Variants in SLC9C1 observed in about 807,000 individuals in gnomAD.
SLC9C1 encodes the protein sodium/hydrogen exchanger 10.
SLC9C1 carries 97 observed loss-of-function variants against 140.9 expected under a neutral mutation model. That is an observed-to-expected ratio of 0.69 (90% CI 0.58 to 0.82). SLC9C1 has a LOEUF of 0.82. SLC9C1 is among the 40% of genes least tolerant of loss of function. SLC9C1 has a pLI of 0.00. For synonymous variants in SLC9C1, 440 were observed against 442.6 expected (o/e 0.99, Z 0.07); for missense variants, 1,340 against 1,389.3 (o/e 0.96, Z 0.56).
chr3:112,250,491 G>A (rs1026568571), intron 10 of SLC9C1, among the ~76,000 whole-genome samples: 2 of 147,094 alleles, frequency 1.4e-5, no homozygotes, highest in African/African-American at 2.5e-5. Flanking sequence ...TCACCACACT[G>A]ACTTCCACAA....
intron 27 of SLC9C1, among the ~76,000 whole-genome samples, chr3:112,153,397 G>T (rs750636927): frequency 6.6e-6 from 1 of 150,596 alleles, no homozygotes; most frequent in Non-Finnish European, 1.5e-5. Flanking sequence ...GTGGGCTCTA[G>T]AAGTCATCTA....
intron 10 of SLC9C1, among the ~76,000 whole-genome samples, chr3:112,244,495 A>C (rs2079225829): frequency 6.6e-6 from 1 of 152,184 alleles, no homozygotes; most frequent in South Asian, 2.1e-4. Context: ...ATCTGCATCA[A>C]ACAATTCTCC....
chr3:112,289,402 T>C (rs186284593), intron 1 of SLC9C1, among the ~76,000 whole-genome samples: 221 of 152,296 alleles, frequency 1.5e-3, no homozygotes, highest in Non-Finnish European at 2.1e-3. Context: ...GACAATTCCG[T>C]GATTGAGTAT....
intron 20 of SLC9C1, among the ~76,000 whole-genome samples, chr3:112,191,593 T>C (rs1349845163): frequency 6.6e-6 from 1 of 152,160 alleles, no homozygotes; most frequent in African/African-American, 2.4e-5. Flanking sequence ...TGAATTCAGT[T>C]TGTTAATATT....
In SLC9C1 at chr3:112,152,016, G is replaced by T. The variant is rs968805266; in HGVS notation, c.3418-53C>A. 3.5e-6 allele frequency: 5 copies of T among 1,418,560 alleles called. No individual in the cohort carries two copies. In the South Asian group the frequency reaches 4.0e-5, roughly 11 times the overall value. 87.9% of individuals were successfully genotyped at this position (1,418,560 alleles called of 1,614,324 possible). On this transcript the variant is annotated intron_variant, in intron 27 of 28. Coordinates refer to ENST00000305815, the MANE Select transcript of SLC9C1 (RefSeq NM_183061.3). ...ATGTCATGATAGGCCTTTTGAAGGG[G>T]GCCTGCCCCTCCACACCTGTGGGTA...
At chr3:112,260,966 A>G (rs561047877) in intron 10 of SLC9C1, among the ~76,000 whole-genome samples, 18 of 152,108 alleles carry the variant, frequency 1.2e-4, no homozygotes, top group Admixed American at 9.8e-4. Flanking sequence ...TGCCTCCCCA[A>G]ATTCTAGCTA....
chr3:112,223,744 A>C (rs1464004389), intron 13 of SLC9C1, among the ~76,000 whole-genome samples: 1 of 152,194 alleles, frequency 6.6e-6, no homozygotes, highest in Admixed American at 6.5e-5. Flanking sequence ...AAATACTCCA[A>C]AAAGGTTCAG....
chr3:112,239,991 G>A lies in SLC9C1; in HGVS notation c.1295C>T (p.Thr432Ile), dbSNP rs1251979748. The stretch of plus-strand genomic sequence containing the variant: ...ACAAACCGATTTATATTTTGTTGAT[G>A]TGGCATCACGAAGACCTTTGATACA... ...AVTILGLRDA[T>I]STKYKSVCCT... Residue 432 changes from threonine (T) to isoleucine (I), a missense_variant, in exon 12 of 29, where the codon ACA becomes ATA. Thr to Ile is a moderately conservative substitution (Grantham distance 89, BLOSUM62 -1). Coordinates refer to ENST00000305815, the MANE Select transcript of SLC9C1 (RefSeq NM_183061.3). The A allele has an allele frequency of 6.2e-7, 1 of 1,610,530 alleles. No individual in the cohort carries two copies. Among genetic ancestry groups the A allele is most frequent in the African/African-American group, 1.3e-5 (1 of 74,848 alleles).
intron 20 of SLC9C1, among the ~76,000 whole-genome samples, chr3:112,192,980 T>C (rs2077694699): frequency 2.0e-5 from 3 of 152,276 alleles, no homozygotes; most frequent in African/African-American, 7.2e-5. Flanking sequence ...GTAGGTTTCA[T>C]AGGGAAAGAC....
intron 15 of SLC9C1, among the ~76,000 whole-genome samples, chr3:112,211,568 C>A (rs543142799): frequency 2.6e-4 from 39 of 152,368 alleles, no homozygotes; most frequent in East Asian, 2.5e-3. Context: ...TATCCCGCAC[C>A]TGGCTCGGAG....
intron 13 of SLC9C1, among the ~76,000 whole-genome samples, chr3:112,222,780 T>C (rs1248210346): frequency 6.6e-6 from 1 of 152,134 alleles, no homozygotes; most frequent in African/African-American, 2.4e-5. Flanking sequence ...CATTTTTAAG[T>C]TACAAGGAAA....
At chr3:112,282,891 A>G (rs2080397932) in intron 2 of SLC9C1, among the ~76,000 whole-genome samples, 2 of 152,218 alleles carry the variant, frequency 1.3e-5, no homozygotes, top group African/African-American at 4.8e-5. Context: ...GTGACTATTC[A>G]TGTTAACTTA....
intron 20 of SLC9C1, among the ~76,000 whole-genome samples, chr3:112,190,958 CACACACATAT>C (rs1560046616): frequency 6.8e-6 from 1 of 146,720 alleles, no homozygotes; most frequent in African/African-American, 2.5e-5. Flanking sequence ...CACACACACA[CACACACATAT>C]ATATATATGG....
At position 112,169,016 on chromosome 3, in the gene SLC9C1, A is replaced by G. The variant is rs1423278408; in HGVS notation, c.3098T>C (p.Val1033Ala). The change falls in exon 25 of 29, where the codon GTA (valine) becomes GCA (alanine). Residue 1033 changes from valine (V) to alanine (A), a missense_variant. By Grantham distance (64) the Val-to-Ala change is moderately conservative (BLOSUM62 0). Coordinates refer to ENST00000305815, the MANE Select transcript of SLC9C1 (RefSeq NM_183061.3). ...AGTTTTGGTACTCATTGGTATATCTACTACATAAATATTAGAGAGCTTTAG... is the reference window on the plus strand; with the variant it reads ...AGTTTTGGTACTCATTGGTATATCTGCTACATAAATATTAGAGAGCTTTAG... Reference protein sequence around the residue: ...MQLKLSNIYVVDIPMSTKTDI... With the variant: ...MQLKLSNIYVADIPMSTKTDI... The G allele has an allele frequency of 1.9e-6, 3 of 1,603,102 alleles. No individual in the cohort carries two copies. The highest frequency in any genetic ancestry group is 2.5e-6 in the Non-Finnish European group (3 of 1,176,970).
chr3:112,293,802 C>T (rs1330582511), intron 1 of SLC9C1, among the ~76,000 whole-genome samples: 1 of 152,110 alleles, frequency 6.6e-6, no homozygotes, highest in Non-Finnish European at 1.5e-5. Context: ...GTTTCAGTAA[C>T]GCAAAGGGAA....
chr3:112,201,422 A>G (rs1576327370), intron 18 of SLC9C1, among the ~76,000 whole-genome samples: 1 of 152,096 alleles, frequency 6.6e-6, no homozygotes, highest in East Asian at 1.9e-4. Context: ...TTAAAGTTGC[A>G]GGAGGTGAAG....
intron 26 of SLC9C1, among the ~76,000 whole-genome samples, chr3:112,155,863 CA>C (rs1286211757): frequency 1.3e-5 from 2 of 151,844 alleles, no homozygotes; most frequent in Non-Finnish European, 2.9e-5. Context: ...ATTTTTTTGA[CA>C]ATTTAAATAT....
Position 112,165,892 on chromosome 3 carries a change from C to T in SLC9C1, c.3364+1329G>A, listed in dbSNP as rs143316096. On this transcript the variant is annotated intron_variant, in intron 26 of 28. Transcript: ENST00000305815. ...GGTGGCATCTGCAGAAGCAGGCAGG[C>T]CTCCTTGAGCTGCAGTGGGCTCCAC... Among the ~76,000 whole-genome samples, 194 of 152,352 alleles carry T rather than the reference C, an allele frequency of 1.3e-3. 1 individual carries two copies. Among genetic ancestry groups the T allele is most frequent in the African/African-American group, 4.5e-3 (186 of 41,594 alleles).
chr3:112,175,533 C>T (rs972493281), intron 23 of SLC9C1, among the ~76,000 whole-genome samples: 3 of 152,122 alleles, frequency 2.0e-5, no homozygotes, highest in African/African-American at 4.8e-5. Context: ...CTTCAAAGCC[C>T]GAAGGCAAGA....
Sources: allele counts gnomAD v4.1 joint callset (sites outside exome capture counted in the v4.1 genomes callset), GRCh38; gene constraint gnomAD v4.1.1; transcripts MANE v1.5; gene names NCBI Gene and HGNC (gene_info 2026-07-23, HGNC 2026-07-21).